Variants in MAP3K5 observed in about 807,000 individuals in gnomAD.
The protein encoded by MAP3K5 is ASK-1.
MAP3K5 carries 56 observed loss-of-function variants against 158.7 expected under a neutral mutation model. The observed-to-expected ratio is 0.35, with a 90% CI of 0.28 to 0.44. The LOEUF (loss-of-function observed/expected upper bound fraction) is 0.44. Among genes scored for constraint, MAP3K5 ranks in the 20% least tolerant of loss-of-function variants. The pLI is 1.00. For synonymous variants in MAP3K5, 579 were observed against 601.7 expected (o/e 0.96, Z 0.55); for missense variants, 1,294 against 1,674.8 (o/e 0.77, Z 3.97).
rs371942449 is a variant in MAP3K5 at position 136,673,906 on chromosome 6, A to C, written c.1254-4511T>G. Reference sequence around the variant, plus strand: ...GATGAAAACATCAACCCACAGATTCAAGAAGCTCAGCAAAACTCAAGCAGG... The same window carrying C: ...GATGAAAACATCAACCCACAGATTCCAGAAGCTCAGCAAAACTCAAGCAGG... On this transcript the variant is annotated intron_variant, in intron 7 of 29. Coordinates refer to ENST00000359015, the MANE Select transcript of MAP3K5 (RefSeq NM_005923.4). Among the ~76,000 whole-genome samples the C allele has an allele frequency of 5.9e-5, 9 of 152,232 alleles. No homozygotes were observed. In the East Asian group the frequency reaches 7.7e-4, roughly 13 times the overall value.
chr6:136,677,741 G>A (rs115748166), intron 7 of MAP3K5, among the ~76,000 whole-genome samples: 157 of 152,324 alleles, frequency 1.0e-3, no homozygotes, highest in African/African-American at 3.6e-3. Flanking sequence ...GGTGTCAAGG[G>A]TGGGAATATT....
At position 136,792,292 on chromosome 6, in the gene MAP3K5, G is replaced by A. The variant is rs1335741315; in HGVS notation, c.-135C>T. On this transcript the variant is annotated 5_prime_UTR_variant, in exon 1 of 30. Transcript: ENST00000359015. The surrounding 1 kb of genome is among the most constrained non-coding windows in gnomAD (Gnocchi z 5.7). ...CGCGCCGCGCCCTCGCCGCCGCGCC[G>A]CCGCCTCCTCTCCGGCGCCCTCTCC... 1 of 1,077,130 alleles carries A rather than the reference G, an allele frequency of 9.3e-7. No homozygotes were observed. Among genetic ancestry groups the A allele is most frequent in the Non-Finnish European group, 1.1e-6 (1 of 895,566 alleles). 66.7% of individuals were successfully genotyped at this position (1,077,130 alleles called of 1,614,324 possible).
At chr6:136,581,857 C>T (rs189223809) in intron 24 of MAP3K5, among the ~76,000 whole-genome samples, 7 of 152,256 alleles carry the variant, frequency 4.6e-5, no homozygotes, top group African/African-American at 7.2e-5. Flanking sequence ...CCGATGCGGG[C>T]GGATCACCTG....
intron 3 of MAP3K5, among the ~76,000 whole-genome samples, chr6:136,699,821 T>A (rs1292294059): frequency 6.6e-6 from 1 of 152,102 alleles, no homozygotes; most frequent in Non-Finnish European, 1.5e-5. Context: ...CAGCTGAGTG[T>A]GATGGCTCAC....
chr6:136,723,404 A>G (rs956202126), intron 1 of MAP3K5, among the ~76,000 whole-genome samples: 2 of 152,180 alleles, frequency 1.3e-5, no homozygotes, highest in African/African-American at 4.8e-5. Context: ...TAATGAGTGC[A>G]TTATGATGTT....
rs373977848 is a variant in MAP3K5 at position 136,671,312 on chromosome 6, T to C, written c.1254-1917A>G. On this transcript the variant is annotated intron_variant, in intron 7 of 29. Transcript: ENST00000359015. Reference sequence around the variant, plus strand: ...TTTGGGTTTATATCTGTTTTTCTGTTACCACAAACAATATATATTTTTGTA... The same window carrying C: ...TTTGGGTTTATATCTGTTTTTCTGTCACCACAAACAATATATATTTTTGTA... 5.9e-5 allele frequency among the ~76,000 whole-genome samples: 9 copies of C among 152,184 alleles called. No homozygotes were observed. The South Asian group carries it at 1.9e-3, about 31-fold the overall frequency.
chr6:136,777,565 C>T (rs1037797943), intron 1 of MAP3K5, among the ~76,000 whole-genome samples: 2 of 152,274 alleles, frequency 1.3e-5, no homozygotes, highest in East Asian at 3.9e-4. Context: ...CGCACATCAA[C>T]TGTATGTATG....
intron 7 of MAP3K5, among the ~76,000 whole-genome samples, chr6:136,670,758 T>C (rs1015392846): frequency 2.6e-5 from 4 of 152,136 alleles, no homozygotes; most frequent in African/African-American, 9.7e-5. Context: ...GCTCTTTAAT[T>C]AGAACAAGCA....
chr6:136,728,523 C>T (rs1432349956), intron 1 of MAP3K5, among the ~76,000 whole-genome samples: 1 of 152,068 alleles, frequency 6.6e-6, no homozygotes, highest in African/African-American at 2.4e-5. Flanking sequence ...TTGGGCAATC[C>T]CTACTATAAA....
intron 7 of MAP3K5, among the ~76,000 whole-genome samples, chr6:136,678,098 C>A (rs1779781653): frequency 6.6e-6 from 1 of 151,844 alleles, no homozygotes; most frequent in Admixed American, 6.6e-5. Context: ...CTCTGCCTAC[C>A]CTTTGGTTTG....
At chr6:136,692,678 A>G (rs1780437258) in intron 7 of MAP3K5, among the ~76,000 whole-genome samples, 1 of 152,156 alleles carries the variant, frequency 6.6e-6, no homozygotes, top group Non-Finnish European at 1.5e-5. Context: ...GCAGAAGCCA[A>G]TTTTCATGTA....
chr6:136,654,685 A>T (rs1453705740), intron 10 of MAP3K5, among the ~76,000 whole-genome samples: 1 of 152,192 alleles, frequency 6.6e-6, no homozygotes, highest in Non-Finnish European at 1.5e-5. Context: ...ACCTCAGGTG[A>T]TCCGCCCACC....
rs1217940213 is a variant in MAP3K5, at chr6:136,622,976, G to A, written c.2022C>T (p.Asp674=). The A allele has an allele frequency of 2.5e-6, 4 of 1,613,480 alleles. No individual in the cohort carries two copies. In the South Asian group the frequency reaches 4.4e-5, roughly 18 times the overall value. ...GDCESDLLEY[D]YEYDENGDRV... ...TGTCACCATTTTCATCATATTCATA[G>A]TCATACTACAAAAGGAAAAACGGGG... Residue 674 remains aspartate, a synonymous_variant, in exon 15 of 30, where the codon GAC becomes GAT. Coordinates refer to ENST00000359015, the MANE Select transcript of MAP3K5 (RefSeq NM_005923.4).
chr6:136,661,592 G>C (rs1318524699), intron 8 of MAP3K5, among the ~76,000 whole-genome samples: 2 of 152,014 alleles, frequency 1.3e-5, no homozygotes, highest in African/African-American at 4.8e-5. Context: ...GAAAAACAAG[G>C]TTTCGCCATG....
At chr6:136,593,689 A>G in intron 21 of MAP3K5, 1 of 416,554 alleles carries the variant, frequency 2.4e-6, no homozygotes, top group Non-Finnish European at 4.6e-6. Flanking sequence ...AATACTGTCC[A>G]TGATCTATCC....
chr6:136,574,834 C>T (rs1374654722), intron 25 of MAP3K5, among the ~76,000 whole-genome samples: 1 of 151,634 alleles, frequency 6.6e-6, no homozygotes, highest in Non-Finnish European at 1.5e-5. Flanking sequence ...GGACTACAGG[C>T]GCCCGCTACC....
intron 3 of MAP3K5, among the ~76,000 whole-genome samples, chr6:136,704,412 T>A (rs897203627): frequency 1.3e-5 from 2 of 152,170 alleles, no homozygotes; most frequent in African/African-American, 4.8e-5. Flanking sequence ...AAGGATGGCA[T>A]GAATGCTGCC....
intron 14 of MAP3K5, among the ~76,000 whole-genome samples, chr6:136,636,272 G>A (rs1051747068): frequency 2.6e-5 from 4 of 152,048 alleles, no homozygotes; most frequent in Admixed American, 2.6e-4. Context: ...TAAGGACACA[G>A]CAACAGGGCA....
At chr6:136,619,265 T>C (rs1003863613) in intron 15 of MAP3K5, among the ~76,000 whole-genome samples, 1 of 152,042 alleles carries the variant, frequency 6.6e-6, no homozygotes, top group Non-Finnish European at 1.5e-5. Flanking sequence ...GTATGCCCGA[T>C]AGAGAGACAC....
Sources: gnomAD v4.1 joint callset for allele counts (sites outside exome capture counted in the v4.1 genomes callset) on GRCh38, gnomAD v4.1.1 for gene constraint, Gnocchi (gnomAD v3.1) non-coding constraint, MANE v1.5 for transcripts, NCBI Gene and HGNC (gene_info 2026-07-23, HGNC 2026-07-21) for gene names.